Variants in RBM20 observed in about 807,000 individuals in gnomAD.
RBM20 encodes the protein RNA binding motif protein 20, also known as RNA-binding protein 20.
Under a neutral mutation model 110.1 loss-of-function variants are expected in RBM20, and 51 were observed. That is an observed-to-expected ratio of 0.46 (90% CI 0.37 to 0.59). The LOEUF is 0.59. Among genes scored for constraint, RBM20 ranks in the 20% least tolerant of loss-of-function variants. The probability of loss-of-function intolerance (pLI) is 0.00; values close to 1 mark genes in which losing one functional copy is unlikely to be tolerated. For synonymous variants in RBM20, 589 were observed against 618.2 expected (o/e 0.95, Z 0.70); for missense variants, 1,512 against 1,574.9 (o/e 0.96, Z 0.68).
At chr10:110,666,019 G>A (rs1360742945) in intron 1 of RBM20, among the ~76,000 whole-genome samples, 1 of 149,654 alleles carries the variant, frequency 6.7e-6, no homozygotes. Flanking sequence ...GAGAGAGAGG[G>A]GAAGGAAGGA....
chr10:110,649,230 G>GATTT (rs1017418394), intron 1 of RBM20, among the ~76,000 whole-genome samples: 18 of 151,692 alleles, frequency 1.2e-4, no homozygotes, highest in East Asian at 3.9e-4. Context: ...CTTTCCTTCT[G>GATTT]ATTTATTTAT....
At chr10:110,675,243 C>A (rs1345038468) in intron 1 of RBM20, among the ~76,000 whole-genome samples, 1 of 152,056 alleles carries the variant, frequency 6.6e-6, no homozygotes, top group Non-Finnish European at 1.5e-5. Flanking sequence ...AAAAGAGAGC[C>A]TGTTTTGGTG....
chr10:110,671,160 C>T (rs1862252396), intron 1 of RBM20, among the ~76,000 whole-genome samples: 1 of 152,200 alleles, frequency 6.6e-6, no homozygotes, highest in Admixed American at 6.5e-5. Context: ...TGGAGAACCA[C>T]GTGGGCATGT....
intron 7 of RBM20, among the ~76,000 whole-genome samples, chr10:110,805,516 T>G (rs1290214268): frequency 6.6e-6 from 1 of 152,196 alleles, no homozygotes; most frequent in Non-Finnish European, 1.5e-5. Context: ...GCTCCCTTCA[T>G]GTTGGCCAAG....
intron 1 of RBM20, among the ~76,000 whole-genome samples, chr10:110,673,383 T>C (rs1188046637): frequency 6.6e-6 from 1 of 152,152 alleles, no homozygotes; most frequent in East Asian, 1.9e-4. Context: ...GGCTAATTTT[T>C]TTATTTTTAG....
intron 1 of RBM20, among the ~76,000 whole-genome samples, chr10:110,722,818 A>T (rs984322724): frequency 1.3e-5 from 2 of 152,110 alleles, no homozygotes; most frequent in African/African-American, 2.4e-5. Flanking sequence ...ACTTCATATG[A>T]TTCTCCCAGT....
intron 1 of RBM20, among the ~76,000 whole-genome samples, chr10:110,689,479 A>G (rs535069735): frequency 1.6e-4 from 25 of 152,224 alleles, no homozygotes; most frequent in African/African-American, 4.8e-5. Flanking sequence ...TTTCAGCTCT[A>G]TTGGCCGGAG....
chr10:110,788,991 C>G (rs1477000828), intron 5 of RBM20, among the ~76,000 whole-genome samples: 2 of 152,346 alleles, frequency 1.3e-5, no homozygotes, highest in East Asian at 3.9e-4. Context: ...CCGGTTGTCT[C>G]CCTTTCAGCC....
intron 1 of RBM20, among the ~76,000 whole-genome samples, chr10:110,748,156 T>C (rs1423304518): frequency 6.6e-6 from 1 of 152,190 alleles, no homozygotes; most frequent in Non-Finnish European, 1.5e-5. Flanking sequence ...GCAATGGGTT[T>C]AGGAGTTCTA....
intron 13 of RBM20, 127 bp from the exon 14 acceptor site, chr10:110,835,741 A>G: frequency 2.3e-6 from 2 of 881,088 alleles, no homozygotes; most frequent in Non-Finnish European, 3.4e-6. Flanking sequence ...GAACCAGGAA[A>G]AGGGTAACCC....
intron 1 of RBM20, among the ~76,000 whole-genome samples, chr10:110,696,469 C>T (rs1485431483): frequency 6.6e-6 from 1 of 152,220 alleles, no homozygotes; most frequent in Admixed American, 6.5e-5. Context: ...GCTGAATGCC[C>T]ACTGTGTGCA....
chr10:110,685,717 A>G (rs2134867343), intron 1 of RBM20, among the ~76,000 whole-genome samples: 1 of 152,274 alleles, frequency 6.6e-6, no homozygotes, highest in East Asian at 1.9e-4. Flanking sequence ...CATGAAAAAT[A>G]AAGGTTGGAA....
chr10:110,768,100 C>G lies in RBM20; in HGVS notation c.192-12701C>G, dbSNP rs142640912. On this transcript the variant is annotated intron_variant, in intron 1 of 13. Coordinates refer to ENST00000369519, the MANE Select transcript of RBM20 (RefSeq NM_001134363.3). ...CGAAAACCAGTCAGGCGTGGCGGCG[C>G]GCGCCTGCAATCGCAGGCACTCGGC... Among the ~76,000 whole-genome samples the G allele has an allele frequency of 3.1e-3, 479 of 152,332 alleles. 3 individuals carry two copies. The highest frequency in any genetic ancestry group is 0.01 in the African/African-American group (428 of 41,594).
In RBM20 at chr10:110,837,978, G is replaced by A. The variant is rs569318853; in HGVS notation, c.*2000G>A. ...AAAACAAAAGGGAGTCACTCATGTT[G>A]AAGTTCTGTCTTCCAGGAAATCAGG... is the stretch of plus-strand genomic sequence containing the variant. On this transcript the variant is annotated 3_prime_UTR_variant, in exon 14 of 14. Coordinates refer to ENST00000369519, the MANE Select transcript of RBM20 (RefSeq NM_001134363.3). The A allele has an allele frequency of 2.6e-5, 4 of 152,318 alleles. No individual in the cohort carries two copies. The East Asian group carries it at 7.7e-4, about 29-fold the overall frequency. 9.4% of individuals were successfully genotyped at this position (152,318 alleles called of 1,614,324 possible).
At chr10:110,752,117 C>T (rs7097700) in intron 1 of RBM20, among the ~76,000 whole-genome samples, 118,465 of 152,080 alleles carry the variant, frequency 0.78, 46,484 homozygotes, top group Non-Finnish European at 0.82. Flanking sequence ...TCTGGACAAA[C>T]GCATGATGAC....
intron 1 of RBM20, among the ~76,000 whole-genome samples, chr10:110,671,388 T>C (rs1181354651): frequency 6.6e-6 from 1 of 152,246 alleles, no homozygotes; most frequent in Non-Finnish European, 1.5e-5. Flanking sequence ...ACAATAAAGT[T>C]GTACCTGTTT....
intron 1 of RBM20, among the ~76,000 whole-genome samples, chr10:110,672,983 C>T (rs1862283984): frequency 6.6e-6 from 1 of 152,158 alleles, no homozygotes; most frequent in South Asian, 2.1e-4. Context: ...ATTTTACAAA[C>T]ATACATACTG....
chr10:110,648,858 T>A (rs1211468699), intron 1 of RBM20, among the ~76,000 whole-genome samples: 2 of 152,336 alleles, frequency 1.3e-5, no homozygotes, highest in East Asian at 3.9e-4. Flanking sequence ...CATTTAGTTG[T>A]GAATTTTTCT....
intron 1 of RBM20, among the ~76,000 whole-genome samples, chr10:110,757,754 T>A (rs1843939460): frequency 6.6e-6 from 1 of 152,248 alleles, no homozygotes; most frequent in Non-Finnish European, 1.5e-5. Flanking sequence ...TAGACCAAGT[T>A]GGACTTTGTC....
Sources: allele counts gnomAD v4.1 joint callset (sites outside exome capture counted in the v4.1 genomes callset), GRCh38; gene constraint gnomAD v4.1.1; transcripts MANE v1.5; gene names NCBI Gene and HGNC (gene_info 2026-07-23, HGNC 2026-07-21).